SWAP70: variants seen among roughly 807,000 people sequenced by gnomAD.
SWAP70 encodes the protein switch-associated protein 70.
In SWAP70, 34 loss-of-function variants were observed where a neutral mutation model predicts 80.2. The observed-to-expected ratio is 0.42, with a 90% CI of 0.32 to 0.56. The LOEUF (loss-of-function observed/expected upper bound fraction) is 0.56, where lower values mean the gene tolerates loss of function less well. Ranked by LOEUF, SWAP70 falls within the 20% of genes least tolerant of loss-of-function variation. The probability of loss-of-function intolerance (pLI) is 0.09; values close to 1 mark genes in which losing one functional copy is unlikely to be tolerated. For synonymous variants in SWAP70, 239 were observed against 238.5 expected, an observed-to-expected ratio of 1.00 and a Z score of -0.02; for missense variants, 578 against 690.7, an observed-to-expected ratio of 0.84 and a Z score of 1.83.
At chr11:9,704,957 T>C (rs755360829) in intron 2 of SWAP70, among the ~76,000 whole-genome samples, 21 of 152,232 alleles carry the variant, frequency 1.4e-4, no homozygotes, top group Non-Finnish European at 2.6e-4. Context: ...CTACACTTCA[T>C]ACAAACAGCA....
At chr11:9,713,786 A>G in intron 3 of SWAP70, 147 bp downstream of exon 3, 1 of 923,726 alleles carries the variant, frequency 1.1e-6, no homozygotes, top group Non-Finnish European at 1.6e-6. Context: ...CTGAGTATAG[A>G]AAAGCTCCAA....
chr11:9,725,565 ATATATTT>A (rs1404595799), intron 4 of SWAP70, among the ~76,000 whole-genome samples: 159 of 17,212 alleles, frequency 9.2e-3, no homozygotes, highest in African/African-American at 0.014. Context: ...ATATATATAT[ATATATTT>A]TTTTTTTTTT....
rs1851303993 is a variant in SWAP70 at position 9,731,952 on chromosome 11, A to G, written c.899-577A>G. On this transcript the variant is annotated intron_variant, in intron 6 of 11. Transcript: ENST00000318950. ...TATCAAAAGAAAAATCAGATGTTGT[A>G]TAACAGTTAGATAATGCATGTAAAG... Among the ~76,000 whole-genome samples the G allele has an allele frequency of 2.0e-5, 3 of 152,362 alleles. 1 individual carries two copies. The Middle Eastern group carries it at 0.01, about 518-fold the overall frequency.
chr11:9,719,549 T>G (rs2133801308), intron 3 of SWAP70, among the ~76,000 whole-genome samples: 1 of 151,824 alleles, frequency 6.6e-6, no homozygotes. Context: ...AAAAAAAAAG[T>G]TAATGTTTGC....
rs61751344 is a variant in SWAP70, at chr11:9,749,910, C to T, written c.1698C>T (p.Phe566=). 24,613 of 1,613,872 alleles carry T rather than the reference C, an allele frequency of 0.015. 222 individuals are homozygous for T. Among genetic ancestry groups the T allele is most frequent in the Non-Finnish European group, 0.018 (21,461 of 1,179,762 alleles). The change falls in exon 12 of 12, where the codon TTC becomes TTT. Residue 566 remains phenylalanine (F), a synonymous_variant. Coordinates refer to ENST00000318950, the MANE Select transcript of SWAP70 (RefSeq NM_015055.4). ...TCACTAACTGGGGACCTGCAGCTTT[C>T]ACTGAGGCAGAACTTGAAGAGAGAG... ...HLITNWGPAA[F]TEAELEEREK...
In SWAP70 at chr11:9,676,628, C is replaced by G. The variant is rs545531012; in HGVS notation, c.99+12350C>G. On this transcript the variant is annotated intron_variant, in intron 1 of 11. Coordinates refer to ENST00000318950, the MANE Select transcript of SWAP70 (RefSeq NM_015055.4). Reference sequence around the variant, plus strand: ...AATAATGACAGGAAGAAAAGTTTGCCCATGTTAAGTATAGATGCAGTTTTT... The same window carrying G: ...AATAATGACAGGAAGAAAAGTTTGCGCATGTTAAGTATAGATGCAGTTTTT... 5.9e-5 allele frequency among the ~76,000 whole-genome samples: 9 copies of G among 151,412 alleles called. No homozygotes were observed. The South Asian group carries it at 8.3e-4, about 14-fold the overall frequency.
chr11:9,725,758 G>A (rs1049806792), intron 4 of SWAP70, among the ~76,000 whole-genome samples: 11 of 151,622 alleles, frequency 7.3e-5, no homozygotes, highest in African/African-American at 2.4e-4. Context: ...TTTTAGTAGA[G>A]ATGGGATTTC....
intron 1 of SWAP70, among the ~76,000 whole-genome samples, chr11:9,675,472 C>T (rs964893023): frequency 6.7e-6 from 1 of 148,244 alleles, no homozygotes; most frequent in African/African-American, 2.5e-5. Flanking sequence ...GGAGAAAGAC[C>T]TCTTATGGCT....
chr11:9,682,862 A>G (rs1850585016), intron 1 of SWAP70, among the ~76,000 whole-genome samples: 1 of 152,114 alleles, frequency 6.6e-6, no homozygotes, highest in African/African-American at 2.4e-5. Flanking sequence ...TTTTTAGTAG[A>G]TACAGGGTTT....
intron 6 of SWAP70, among the ~76,000 whole-genome samples, chr11:9,730,444 C>G (rs1224289649): frequency 1.0e-5 from 1 of 99,672 alleles, no homozygotes; most frequent in African/African-American, 3.5e-5. Context: ...GACATTATTT[C>G]ATTCTTTTTT....
intron 2 of SWAP70, among the ~76,000 whole-genome samples, chr11:9,698,506 G>A (rs945661645): frequency 6.6e-6 from 1 of 152,084 alleles, no homozygotes; most frequent in Non-Finnish European, 1.5e-5. Flanking sequence ...CCGGGCTCAA[G>A]CCATTCTCCT....
chr11:9,664,953 G>A (rs1325098984), intron 1 of SWAP70, among the ~76,000 whole-genome samples: 1 of 152,120 alleles, frequency 6.6e-6, no homozygotes, highest in African/African-American at 2.4e-5. Context: ...GATCTTTCTG[G>A]CACCCTGCAA....
intron 1 of SWAP70, among the ~76,000 whole-genome samples, chr11:9,668,206 G>C (rs1850332618): frequency 6.6e-6 from 1 of 152,302 alleles, no homozygotes; most frequent in African/African-American, 2.4e-5. Context: ...ACACTTTAAA[G>C]CCAATGGTTT....
intron 5 of SWAP70, among the ~76,000 whole-genome samples, chr11:9,728,779 T>C (rs1230401037): frequency 6.6e-6 from 1 of 152,354 alleles, no homozygotes; most frequent in East Asian, 1.9e-4. Flanking sequence ...ACACATAAAC[T>C]ATAATGTATT....
intron 1 of SWAP70, among the ~76,000 whole-genome samples, chr11:9,685,143 C>G (rs1043899684): frequency 3.4e-5 from 5 of 148,584 alleles, no homozygotes; most frequent in Non-Finnish European, 7.4e-5. Flanking sequence ...GAGATGGAGT[C>G]TCGCTCTGTG....
At chr11:9,744,064 G>A (rs1357112097) in intron 9 of SWAP70, among the ~76,000 whole-genome samples, 2 of 151,322 alleles carry the variant, frequency 1.3e-5, no homozygotes, top group African/African-American at 4.9e-5. Flanking sequence ...CCAGGTTCAA[G>A]CCATTCTCCT....
intron 6 of SWAP70, among the ~76,000 whole-genome samples, 166 bp from the exon 7 acceptor site, chr11:9,732,363 A>T (rs893601114): frequency 2.0e-5 from 3 of 152,208 alleles, no homozygotes; most frequent in Non-Finnish European, 4.4e-5. Context: ...CCAAGAGGTT[A>T]TGTGACTGCT....
intron 2 of SWAP70, among the ~76,000 whole-genome samples, chr11:9,703,156 T>C (rs1850854839): frequency 6.6e-6 from 1 of 152,210 alleles, no homozygotes; most frequent in Non-Finnish European, 1.5e-5. Flanking sequence ...ATTCTGGACA[T>C]ATAATATTAA....
chr11:9,705,694 CA>C (rs1850899616), intron 2 of SWAP70, among the ~76,000 whole-genome samples: 1 of 137,324 alleles, frequency 7.3e-6, no homozygotes, highest in Non-Finnish European at 1.5e-5. Flanking sequence ...GATCTGTATG[CA>C]CTGGTGATCT....
Sources: allele counts gnomAD v4.1 joint callset (sites outside exome capture counted in the v4.1 genomes callset), GRCh38; gene constraint gnomAD v4.1.1; transcripts MANE v1.5; gene names NCBI Gene and HGNC (gene_info 2026-07-23, HGNC 2026-07-21).